Variants in DOT1L observed in about 807,000 individuals in gnomAD.
The protein encoded by DOT1L is histone-lysine N-methyltransferase, H3 lysine-79 specific.
Under a neutral mutation model 153.3 loss-of-function variants are expected in DOT1L, and 33 were observed. That is an observed-to-expected ratio of 0.22 (90% CI 0.16 to 0.29). The LOEUF is 0.29. DOT1L is among the 10% of genes least tolerant of loss of function. DOT1L has a pLI of 1.00. For missense variants in DOT1L, 1,847 were observed against 2,119.9 expected (o/e 0.87, Z 2.53); for synonymous variants, 1,135 against 965.1 (o/e 1.18, Z -3.26).
In DOT1L at chr19:2,231,696, G is replaced by A. The variant is rs569529675; in HGVS notation, c.*1904G>A. 15 of 214,008 alleles carry A rather than the reference G, an allele frequency of 7.0e-5. 1 individual carries two copies. The South Asian group carries it at 1.1e-3, about 16-fold the overall frequency. 13.3% of individuals were successfully genotyped at this position (214,008 alleles called of 1,614,324 possible). On this transcript the variant is annotated 3_prime_UTR_variant, in exon 28 of 28. Coordinates refer to ENST00000398665, the MANE Select transcript of DOT1L (RefSeq NM_032482.3). The stretch of plus-strand genomic sequence containing the variant: ...CAGGCAGCCTGCTCTGTGTCGCCAC[G>A]GGCCGGATACGCCACAGGGTTGATG...
intron 1 of DOT1L, among the ~76,000 whole-genome samples, chr19:2,167,375 G>A (rs993526013): frequency 2.0e-5 from 3 of 152,226 alleles, no homozygotes; most frequent in Non-Finnish European, 4.4e-5. Context: ...GAACATTCAC[G>A]TGAAGGCAGC....
rs577675207 is a variant in DOT1L, at chr19:2,217,327, T to C, written c.2544+237T>C. ...TTGTCAGGGTGTCCCTGATGCCTCTTAGTTCTCAGTGACGGACGGCAAGTG... is the reference window on the plus strand; with the variant it reads ...TTGTCAGGGTGTCCCTGATGCCTCTCAGTTCTCAGTGACGGACGGCAAGTG... On this transcript the variant is annotated intron_variant, in intron 21 of 27. Coordinates refer to ENST00000398665, the MANE Select transcript of DOT1L (RefSeq NM_032482.3). This position sits in a 1 kb window ranked among gnomAD's most constrained non-coding sequence, Gnocchi z 7.3. 1.3e-4 allele frequency among the ~76,000 whole-genome samples: 20 copies of C among 152,170 alleles called. No individual in the cohort carries two copies. The highest frequency in any genetic ancestry group is 1.1e-3 in the Admixed American group (17 of 15,294).
intron 25 of DOT1L, among the ~76,000 whole-genome samples, chr19:2,225,083 A>T (rs77337731): frequency 1.1e-3 from 171 of 152,228 alleles, no homozygotes; most frequent in African/African-American, 3.8e-3. Flanking sequence ...GGATTCTCAC[A>T]CTTCTGTGTG....
At chr19:2,215,534 G>A (rs996714247) in intron 19 of DOT1L, 6 of 152,382 alleles carry the variant, frequency 3.9e-5, no homozygotes, top group African/African-American at 1.4e-4. Flanking sequence ...GATGGACCTG[G>A]TGCCCTGTCG....
chr19:2,168,875 G>C lies in DOT1L; in HGVS notation c.81+4610G>C, dbSNP rs373556912. On this transcript the variant is annotated intron_variant, in intron 1 of 27. Transcript: ENST00000398665. ...GTCATCTACCTGCCTGGGCCTCCCA[G>C]AGTGCTAGGATTACAGGCATGAGCC... 5.3e-5 allele frequency among the ~76,000 whole-genome samples: 8 copies of C among 152,134 alleles called. No individual in the cohort carries two copies. The East Asian group carries it at 5.8e-4, about 11-fold the overall frequency.
intron 1 of DOT1L, among the ~76,000 whole-genome samples, chr19:2,173,456 C>T (rs1333605047): frequency 6.6e-6 from 1 of 152,206 alleles, no homozygotes; most frequent in African/African-American, 2.4e-5. Flanking sequence ...CAAGCCGCTT[C>T]CTTACACAGC....
At chr19:2,175,257 C>T (rs2021869161) in intron 1 of DOT1L, among the ~76,000 whole-genome samples, 1 of 152,032 alleles carries the variant, frequency 6.6e-6, no homozygotes, top group Non-Finnish European at 1.5e-5. Context: ...CCTTGGCCTC[C>T]CAAAGTGCTT....
Position 2,230,940 on chromosome 19 carries a change from G to C in DOT1L, c.*1148G>C, listed in dbSNP as rs1310615717. ...TGTGCTGGTTCTCCCAGCTGCTGTG[G>C]GTGTGCTGGGGCCAGGGTGCACTGC... On this transcript the variant is annotated 3_prime_UTR_variant, in exon 28 of 28. Coordinates refer to ENST00000398665, the MANE Select transcript of DOT1L (RefSeq NM_032482.3). 3.7e-6 allele frequency: 1 copy of C among 267,832 alleles called. No homozygotes were observed. The highest frequency in any genetic ancestry group is 2.2e-5 in the African/African-American group (1 of 46,490). 16.6% of individuals were successfully genotyped at this position (267,832 alleles called of 1,614,324 possible).
In DOT1L at chr19:2,189,734, T is replaced by A. The variant is rs1455528053; in HGVS notation, c.203T>A (p.Phe68Tyr). Reference protein sequence around the residue: ...YVLIDYDTKSFESMQRLCDKY... With the variant: ...YVLIDYDTKSYESMQRLCDKY... ...GGGCCTTCCCTTGCCTTTTTCAGCT[T>A]CGAGAGCATGCAGAGGCTCTGCGAC... The change falls in exon 4 of 28, where the codon TTC becomes TAC. Residue 68 changes from phenylalanine (F) to tyrosine (Y), a missense_variant and splice_region_variant. Phe to Tyr is a conservative substitution (Grantham distance 22, BLOSUM62 3). This residue lies in a region of DOT1L where 148 missense variants were observed against 422.3 expected (regional missense o/e 0.35). Coordinates refer to ENST00000398665, the MANE Select transcript of DOT1L (RefSeq NM_032482.3). The A allele has an allele frequency of 6.2e-7, 1 of 1,610,822 alleles. No individual in the cohort carries two copies. The highest frequency in any genetic ancestry group is 8.5e-7 in the Non-Finnish European group (1 of 1,179,954).
intron 25 of DOT1L, among the ~76,000 whole-genome samples, chr19:2,225,051 G>A (rs542190639): frequency 1.3e-5 from 2 of 152,358 alleles, no homozygotes; most frequent in South Asian, 4.1e-4. Flanking sequence ...GGGAGAGGGA[G>A]GTAGGAAGAG....
intron 27 of DOT1L, chr19:2,227,715 C>T (rs766404119): frequency 2.7e-5 from 35 of 1,304,806 alleles, no homozygotes; most frequent in Non-Finnish European, 3.2e-5. Flanking sequence ...GTTGAAGCTG[C>T]GTTTTTCTCT....
chr19:2,176,035 G>C lies in DOT1L; in HGVS notation c.82-4678G>C, dbSNP rs1469414674. ...TGTGTCCCGGCTCTGCCTGTCCCCTGGGCTCTCCAGGAACAGGTCTGTGCT... is the reference window on the plus strand; with the variant it reads ...TGTGTCCCGGCTCTGCCTGTCCCCTCGGCTCTCCAGGAACAGGTCTGTGCT... On this transcript the variant is annotated intron_variant, in intron 1 of 27. Transcript: ENST00000398665. 2.0e-5 allele frequency among the ~76,000 whole-genome samples: 3 copies of C among 152,212 alleles called. No homozygotes were observed. The East Asian group carries it at 5.8e-4, about 29-fold the overall frequency.
chr19:2,185,770 A>T, intron 2 of DOT1L, 85 bp from the exon 3 acceptor site: 2 of 1,417,058 alleles, frequency 1.4e-6, no homozygotes, highest in Non-Finnish European at 2.0e-6. Context: ...CTCCGTCTCA[A>T]AACAAAAACA....
At chr19:2,179,565 T>C (rs1286322071) in intron 1 of DOT1L, among the ~76,000 whole-genome samples, 1 of 152,052 alleles carries the variant, frequency 6.6e-6, no homozygotes. Flanking sequence ...CCCAATACTT[T>C]GGGAGGCTGA....
Position 2,229,972 on chromosome 19 carries a change from C to T in DOT1L, c.*180C>T, listed in dbSNP as rs1331000027. ...GAGGCTGGGACTGGTCCAGTTTGTA[C>T]TGTCGATAGTTTTAGATAAAGTATT... On this transcript the variant is annotated 3_prime_UTR_variant, in exon 28 of 28. Transcript: ENST00000398665. 2.2e-6 allele frequency: 2 copies of T among 903,402 alleles called. No homozygotes were observed. Among genetic ancestry groups the T allele is most frequent in the African/African-American group, 1.7e-5 (1 of 59,608 alleles). 56.0% of individuals were successfully genotyped at this position (903,402 alleles called of 1,614,324 possible).
Position 2,199,889 on chromosome 19 carries a change from G to A in DOT1L, c.657G>A (p.Glu219=), listed in dbSNP as rs769355293. ...YGKKHAEYTL[E]RGDFLSEEWR... ...ACACCTGTTTTCCCTTTCAGTTGGA[G>A]AGAGGCGATTTCCTCTCAGAAGAGT... Residue 219 remains glutamate, a synonymous_variant, in exon 8 of 28, where the codon GAG becomes GAA. Transcript: ENST00000398665. The A allele has an allele frequency of 1.2e-5, 19 of 1,613,916 alleles. No homozygotes were observed. The African/African-American group carries it at 1.2e-4, about 10-fold the overall frequency.
rs1470996052 is a variant in DOT1L, at chr19:2,225,452, GGTGA to G, written c.3661+3_3661+6del. 1.2e-6 allele frequency: 2 copies of G among 1,614,046 alleles called. No individual in the cohort carries two copies. Among genetic ancestry groups the G allele is most frequent in the Admixed American group, 1.7e-5 (1 of 60,008 alleles). On this transcript the variant is annotated splice_donor_variant and splice_donor_region_variant and intron_variant, in intron 26 of 27. Transcript: ENST00000398665. LOFTEE classifies it high-confidence loss of function. ...ATCTCCCCCGAAAACCTTGGAAAATGGTGAGTAACAAGTGTTTTGCGGCGTGGCC... is the reference window on the plus strand; with the variant it reads ...ATCTCCCCCGAAAACCTTGGAAAATGGTAACAAGTGTTTTGCGGCGTGGCC...
intron 9 of DOT1L, 152 bp downstream of exon 9, chr19:2,202,931 CT>C (rs1425319813): frequency 7.2e-6 from 5 of 694,962 alleles, no homozygotes; most frequent in South Asian, 1.9e-5. Context: ...GCTTTTTTTT[CT>C]TTTTTTATTG....
chr19:2,225,894 C>G (rs1430878187), intron 26 of DOT1L, among the ~76,000 whole-genome samples: 2 of 152,224 alleles, frequency 1.3e-5, no homozygotes, highest in African/African-American at 2.4e-5. Flanking sequence ...CGCATGGCCT[C>G]TGAGACCCGC....
Sources: allele counts gnomAD v4.1 joint callset (sites outside exome capture counted in the v4.1 genomes callset), GRCh38; gene constraint gnomAD v4.1.1; regional missense constraint gnomAD v4.1.1; non-coding constraint Gnocchi (gnomAD v3.1); transcripts MANE v1.5; gene names NCBI Gene and HGNC (gene_info 2026-07-23, HGNC 2026-07-21).